WDR7: variants seen among roughly 807,000 people sequenced by gnomAD.
WDR7 encodes the protein WD repeat-containing protein 7.
Under a neutral mutation model 169.4 loss-of-function variants are expected in WDR7, and 46 were observed. The ratio of observed to expected loss-of-function variants is 0.27; its 90% confidence interval spans 0.21 to 0.35. WDR7 has a LOEUF of 0.35. Among genes scored for constraint, WDR7 ranks in the 10% least tolerant of loss-of-function variants. The pLI, the probability that WDR7 is intolerant of heterozygous loss-of-function variation, is 1.00. For missense variants in WDR7, 1,534 were observed against 1,859.3 expected (o/e 0.83, Z 3.22); for synonymous variants, 612 against 666.8 (o/e 0.92, Z 1.27).
intron 25 of WDR7, among the ~76,000 whole-genome samples, chr18:56,949,422 G>A (rs1445982531): frequency 5.3e-5 from 8 of 152,142 alleles, no homozygotes; most frequent in Non-Finnish European, 1.0e-4. Flanking sequence ...GAGAAAAGTA[G>A]CCTTGCTTTA....
chr18:56,696,385 T>C lies in WDR7; in HGVS notation c.1501T>C (p.Ser501Pro). 5 of 1,614,168 alleles carry C rather than the reference T, an allele frequency of 3.1e-6. No individual in the cohort carries two copies. Among genetic ancestry groups the C allele is most frequent in the Non-Finnish European group, 4.2e-6 (5 of 1,180,012 alleles). The stretch of plus-strand genomic sequence containing the variant: ...TTCAGTCATAATTTGGGACATATTT[T>C]CTGGAGAAATGAAACATATCTTCTG... ...DFSVIIWDIF[S>P]GEMKHIFCVH... Residue 501 changes from serine to proline, a missense_variant, in exon 12 of 28, where the codon TCT becomes CCT. Ser to Pro is a moderately conservative substitution (Grantham distance 74). Transcript: ENST00000254442.
chr18:56,662,947 G>C (rs1484734993), intron 1 of WDR7, among the ~76,000 whole-genome samples: 1 of 152,192 alleles, frequency 6.6e-6, no homozygotes, highest in Non-Finnish European at 1.5e-5. Flanking sequence ...CAAACTGAGT[G>C]GCTTAAACAA....
chr18:56,749,001 CATT>C (rs2043746395), intron 14 of WDR7, among the ~76,000 whole-genome samples: 1 of 151,758 alleles, frequency 6.6e-6, no homozygotes, highest in Admixed American at 6.6e-5. Context: ...AATATTGAAA[CATT>C]AATATTGTGC....
At chr18:56,660,821 G>A (rs1439834197) in intron 1 of WDR7, among the ~76,000 whole-genome samples, 1 of 152,188 alleles carries the variant, frequency 6.6e-6, no homozygotes, top group Admixed American at 6.5e-5. Context: ...GTAAGATAAG[G>A]GTTAGAACTT....
intron 21 of WDR7, among the ~76,000 whole-genome samples, chr18:56,911,169 T>C (rs1218294950): frequency 1.3e-5 from 2 of 152,166 alleles, no homozygotes; most frequent in African/African-American, 2.4e-5. Flanking sequence ...CTGGGTTAGA[T>C]AATGGACTCA....
At chr18:56,794,304 A>ATTGTTTTTTTTTTTTTTTTTT (rs2044543580) in intron 19 of WDR7, among the ~76,000 whole-genome samples, 2 of 49,466 alleles carry the variant, frequency 4.0e-5, no homozygotes, top group Non-Finnish European at 7.6e-5. Context: ...GGTAAAGTCT[A>ATTGTTTTTTTTTTTTTTTTTT]TTTTTTTTTT....
intron 14 of WDR7, among the ~76,000 whole-genome samples, chr18:56,738,004 G>A (rs1218886150): frequency 6.6e-6 from 1 of 152,060 alleles, no homozygotes. Flanking sequence ...TTTGTCCTCT[G>A]TGGTTATTGG....
intron 13 of WDR7, among the ~76,000 whole-genome samples, chr18:56,722,530 AG>A (rs1418782675): frequency 6.6e-6 from 1 of 152,200 alleles, no homozygotes; most frequent in Non-Finnish European, 1.5e-5. Context: ...GCTATAGGAC[AG>A]GGGAAGACAC....
chr18:56,934,656 G>A (rs2046933647), intron 22 of WDR7, among the ~76,000 whole-genome samples: 1 of 152,000 alleles, frequency 6.6e-6, no homozygotes, highest in Admixed American at 6.6e-5. Flanking sequence ...CTTTAACAAT[G>A]AAGAGAATGC....
At chr18:56,757,439 C>A in intron 15 of WDR7, 87 bp downstream of exon 15, 4 of 1,315,698 alleles carry the variant, frequency 3.0e-6, no homozygotes, top group South Asian at 1.8e-5. Flanking sequence ...TCTTTTTTGG[C>A]TCTACACAAT....
intron 7 of WDR7, among the ~76,000 whole-genome samples, chr18:56,690,874 T>C (rs1038705976): frequency 6.6e-6 from 1 of 152,098 alleles, no homozygotes; most frequent in African/African-American, 2.4e-5. Context: ...CAAGCCTGTA[T>C]ATTTGAGGTT....
rs2044243318 is a variant in WDR7 at position 56,776,426 on chromosome 18, C to A, written c.2849-356C>A. ...TATGAAGACCAACATAAAGCTTTTTCATCGTGATACATTTTAAAAATTGAA... is the reference window on the plus strand; with the variant it reads ...TATGAAGACCAACATAAAGCTTTTTAATCGTGATACATTTTAAAAATTGAA... On this transcript the variant is annotated intron_variant, in intron 16 of 27. Coordinates refer to ENST00000254442, the MANE Select transcript of WDR7 (RefSeq NM_015285.3). Among the ~76,000 whole-genome samples the A allele has an allele frequency of 2.0e-5, 3 of 152,048 alleles. No homozygotes were observed. The South Asian group carries it at 6.2e-4, about 32-fold the overall frequency.
intron 20 of WDR7, among the ~76,000 whole-genome samples, chr18:56,846,020 G>A (rs911628160): frequency 2.0e-5 from 3 of 152,032 alleles, no homozygotes; most frequent in South Asian, 2.1e-4. Context: ...CTCTTCCCAC[G>A]TTCTTTATTG....
At chr18:56,743,248 C>G (rs1377119122) in intron 14 of WDR7, among the ~76,000 whole-genome samples, 1 of 152,074 alleles carries the variant, frequency 6.6e-6, no homozygotes, top group Non-Finnish European at 1.5e-5. Context: ...TATGGGACAT[C>G]TATGTTGTGA....
At chr18:56,702,514 A>G (rs1180878612) in intron 12 of WDR7, among the ~76,000 whole-genome samples, 1 of 152,236 alleles carries the variant, frequency 6.6e-6, no homozygotes, top group Non-Finnish European at 1.5e-5. Context: ...ACCCAGTATA[A>G]TATTGCCAAC....
At chr18:56,652,342 A>G (rs1311668840) in intron 1 of WDR7, among the ~76,000 whole-genome samples, 1 of 152,198 alleles carries the variant, frequency 6.6e-6, no homozygotes, top group Non-Finnish European at 1.5e-5. Flanking sequence ...CTCTCACTGT[A>G]ATATTTGCCA....
chr18:56,985,490 G>A (rs932991164), intron 26 of WDR7, among the ~76,000 whole-genome samples: 2 of 152,030 alleles, frequency 1.3e-5, no homozygotes, highest in Non-Finnish European at 2.9e-5. Context: ...GTTTCTGATT[G>A]TATTTGATTA....
At chr18:57,012,234 T>C (rs1379376558) in intron 26 of WDR7, among the ~76,000 whole-genome samples, 4 of 152,162 alleles carry the variant, frequency 2.6e-5, no homozygotes, top group Non-Finnish European at 5.9e-5. Flanking sequence ...CAGTGGACCC[T>C]GCCTCACCCC....
At chr18:56,745,437 G>A (rs1299463317) in intron 14 of WDR7, among the ~76,000 whole-genome samples, 28 of 152,202 alleles carry the variant, frequency 1.8e-4, no homozygotes, top group Non-Finnish European at 2.2e-4. Context: ...GTGGAAGACG[G>A]TTTTTCCATG....
Sources: gnomAD v4.1 joint callset for allele counts (sites outside exome capture counted in the v4.1 genomes callset) on GRCh38, gnomAD v4.1.1 for gene constraint, MANE v1.5 for transcripts, NCBI Gene and HGNC (gene_info 2026-07-23, HGNC 2026-07-21) for gene names.